C1orf87: variants seen among roughly 807,000 people sequenced by gnomAD.
C1orf87 encodes chromosome 1 open reading frame 87, also known as uncharacterized protein C1orf87.
Under a neutral mutation model 60.5 loss-of-function variants are expected in C1orf87, and 58 were observed. That is an observed-to-expected ratio of 0.96 (90% CI 0.78 to 1.19). The LOEUF (loss-of-function observed/expected upper bound fraction) is 1.19, where lower values mean the gene tolerates loss of function less well. C1orf87 is among the 50% of genes most tolerant of loss of function. The pLI is 0.00. For missense variants in C1orf87, 673 were observed against 638.6 expected (o/e 1.05, Z -0.58); for synonymous variants, 236 against 227.4 (o/e 1.04, Z -0.34).
chr1:60,066,682 C>CT (rs79196798), intron 2 of C1orf87, among the ~76,000 whole-genome samples: 17,475 of 147,810 alleles, frequency 0.12, 1,294 homozygotes, highest in Middle Eastern at 0.24. Context: ...CACAAATGTT[C>CT]TTTTTTTTTT....
At chr1:60,045,527 A>T (rs1645359642) in intron 3 of C1orf87, among the ~76,000 whole-genome samples, 2 of 152,320 alleles carry the variant, frequency 1.3e-5, no homozygotes, top group Middle Eastern at 3.4e-3. Context: ...TAGCATGATG[A>T]AACTCCCTGT....
At chr1:60,031,165 T>A (rs1462706960) in intron 7 of C1orf87, among the ~76,000 whole-genome samples, 1 of 152,204 alleles carries the variant, frequency 6.6e-6, no homozygotes, top group East Asian at 1.9e-4. Context: ...CCTTTCCTTG[T>A]CCACTCTGAA....
chr1:60,022,748 A>G (rs112973107), intron 8 of C1orf87, among the ~76,000 whole-genome samples: 2 of 152,114 alleles, frequency 1.3e-5, no homozygotes, highest in African/African-American at 4.8e-5. Flanking sequence ...CAGCATGACT[A>G]CTTTTTTGCT....
At chr1:60,069,638 G>C (rs1645571956) in intron 2 of C1orf87, among the ~76,000 whole-genome samples, 1 of 152,118 alleles carries the variant, frequency 6.6e-6, no homozygotes, top group Non-Finnish European at 1.5e-5. Context: ...AAGAGGGAAG[G>C]AGAGCTCCAT....
chr1:60,038,250 G>T, intron 5 of C1orf87, 143 bp from the exon 6 acceptor site: 1 of 498,590 alleles, frequency 2.0e-6, no homozygotes, highest in African/African-American at 1.9e-5. Context: ...AATTATTGGT[G>T]CTTTTTAGCA....
At chr1:60,032,112 A>G (rs1352362312) in intron 7 of C1orf87, among the ~76,000 whole-genome samples, 2 of 152,184 alleles carry the variant, frequency 1.3e-5, no homozygotes, top group Admixed American at 6.5e-5. Flanking sequence ...TCAGCATATC[A>G]TGTCCTTGCT....
At chr1:60,031,199 G>T (rs528333887) in intron 7 of C1orf87, among the ~76,000 whole-genome samples, 1 of 152,302 alleles carries the variant, frequency 6.6e-6, no homozygotes, top group East Asian at 1.9e-4. Flanking sequence ...GAGTAAGGGA[G>T]TTGAGGTGTG....
intron 9 of C1orf87, chr1:60,008,773 T>A: frequency 2.3e-6 from 1 of 441,996 alleles, no homozygotes; most frequent in South Asian, 1.6e-5. Flanking sequence ...GAAAATATGA[T>A]GCTTTGTAAG....
At chr1:60,000,888 T>C (rs193211102) in intron 10 of C1orf87, among the ~76,000 whole-genome samples, 189 bp downstream of exon 10, 4 of 152,094 alleles carry the variant, frequency 2.6e-5, no homozygotes, top group Admixed American at 2.0e-4. Context: ...GGACAGAAAC[T>C]AACCCACACT....
Position 60,040,997 on chromosome 1 carries a change from T to A in C1orf87, c.477A>T (p.Gln159His). Reference sequence around the variant, plus strand: ...CAACTCTTAGTATACACACCTCAGGTTGGTCAGAGCTGCCTCTCACCATCT... The same window carrying A: ...CAACTCTTAGTATACACACCTCAGGATGGTCAGAGCTGCCTCTCACCATCT... The part of the protein sequence containing the change: ...LEQMVRGSSD[Q>H]PEDIGQSPSG... The change falls in exon 4 of 12, where the codon CAA (glutamine) becomes CAT (histidine). Residue 159 changes from glutamine to histidine, a missense_variant. Coordinates refer to ENST00000371201, the MANE Select transcript of C1orf87 (RefSeq NM_152377.3). The A allele has an allele frequency of 6.2e-7, 1 of 1,608,406 alleles. No homozygotes were observed.
chr1:60,040,943 C>T (rs746117611), intron 4 of C1orf87, 48 bp downstream of exon 4: 3 of 1,514,782 alleles, frequency 2.0e-6, no homozygotes, highest in African/African-American at 1.4e-5. Flanking sequence ...GTCAACAACA[C>T]TCCTTCATCT....
At chr1:60,060,110 T>C (rs1172487326) in intron 2 of C1orf87, among the ~76,000 whole-genome samples, 1 of 149,890 alleles carries the variant, frequency 6.7e-6, no homozygotes, top group African/African-American at 2.4e-5. Context: ...TTTTATGTCA[T>C]GGAACCATAC....
At chr1:60,013,809 C>A (rs1453598844) in intron 8 of C1orf87, among the ~76,000 whole-genome samples, 2 of 151,986 alleles carry the variant, frequency 1.3e-5, no homozygotes, top group Non-Finnish European at 2.9e-5. Context: ...AAGTCAAGGG[C>A]AGATGACAAC....
At chr1:60,016,726 G>T (rs1026748097) in intron 8 of C1orf87, among the ~76,000 whole-genome samples, 6 of 152,306 alleles carry the variant, frequency 3.9e-5, no homozygotes, top group South Asian at 2.1e-4. Context: ...GTAAGGAAAG[G>T]TTGCTTCCAA....
intron 7 of C1orf87, 50 bp from the exon 8 acceptor site, chr1:60,025,548 A>G: frequency 7.3e-7 from 1 of 1,370,646 alleles, no homozygotes; most frequent in Non-Finnish European, 1.0e-6. Context: ...CTAGGATACA[A>G]AATGTTTCAA....
chr1:60,015,777 A>G (rs747460825), intron 8 of C1orf87, among the ~76,000 whole-genome samples: 1 of 152,138 alleles, frequency 6.6e-6, no homozygotes, highest in South Asian at 2.1e-4. Flanking sequence ...TGGCAGACAG[A>G]GTCTCACTCT....
At chr1:60,012,141 C>A (rs1290149326) in intron 8 of C1orf87, among the ~76,000 whole-genome samples, 1 of 151,730 alleles carries the variant, frequency 6.6e-6, no homozygotes, top group Non-Finnish European at 1.5e-5. Flanking sequence ...TTTAAGAAGT[C>A]CAGGTTTATG....
At chr1:60,011,668 G>A (rs1257420438) in intron 8 of C1orf87, among the ~76,000 whole-genome samples, 2 of 152,088 alleles carry the variant, frequency 1.3e-5, no homozygotes, top group Non-Finnish European at 2.9e-5. Context: ...AAAATGAAGA[G>A]CAAGTTGGGA....
chr1:60,059,975 A>G (rs1645483709), intron 2 of C1orf87, among the ~76,000 whole-genome samples: 1 of 152,154 alleles, frequency 6.6e-6, no homozygotes, highest in South Asian at 2.1e-4. Context: ...CGGAAATGGG[A>G]GGGGAGTACA....
Sources: allele counts gnomAD v4.1 joint callset (sites outside exome capture counted in the v4.1 genomes callset), GRCh38; gene constraint gnomAD v4.1.1; transcripts MANE v1.5; gene names NCBI Gene and HGNC (gene_info 2026-07-23, HGNC 2026-07-21).